The following ATOSA variants were observed in gnomAD, a reference collection of about 807,000 sequenced individuals.
The protein encoded by ATOSA is atos homolog A.
the ATOSA span, among the ~76,000 whole-genome samples, chr15:52,689,971 G>T: frequency 6.6e-6 from 1 of 152,200 alleles, no homozygotes; most frequent in Non-Finnish European, 1.5e-5. Flanking sequence ...TGATGGCAAT[G>T]ATGGTCCATT....
the ATOSA span, among the ~76,000 whole-genome samples, chr15:52,598,984 A>G: frequency 1.3e-5 from 2 of 152,160 alleles, no homozygotes; most frequent in African/African-American, 2.4e-5. Flanking sequence ...GCCTACCACT[A>G]TAAGTAAAAG....
the ATOSA span, among the ~76,000 whole-genome samples, chr15:52,597,781 T>A: frequency 6.6e-6 from 1 of 152,162 alleles, no homozygotes; most frequent in African/African-American, 2.4e-5. Context: ...GGAAGAAGAA[T>A]TGTCTTGGGG....
At chr15:52,656,526 C>A in the ATOSA span, 7 of 152,056 alleles carry the variant, frequency 4.6e-5, no homozygotes, top group African/African-American at 1.7e-4. Context: ...TTAATTGGGA[C>A]TCTCATATTT....
chr15:52,607,128 A>T, the ATOSA span, among the ~76,000 whole-genome samples: 1 of 152,202 alleles, frequency 6.6e-6, no homozygotes, highest in African/African-American at 2.4e-5. Flanking sequence ...AATTGAGGAA[A>T]CAGGTTTTTA....
chr15:52,594,515 T>C, the ATOSA span, among the ~76,000 whole-genome samples: 14,204 of 152,254 alleles, frequency 0.093, 1,020 homozygotes, highest in East Asian at 0.35. Flanking sequence ...TGAAAAGAAA[T>C]GCTACAAAGC....
chr15:52,605,058 A>G, the ATOSA span: 2 of 1,012,600 alleles, frequency 2.0e-6, no homozygotes. Context: ...TTCAATTAAA[A>G]TTTGAATGAA....
chr15:52,640,621 T>C, the ATOSA span, among the ~76,000 whole-genome samples: 1 of 89,992 alleles, frequency 1.1e-5, no homozygotes, highest in Non-Finnish European at 2.2e-5. Context: ...ATATCAGAGA[T>C]TTAAAATGTA....
the ATOSA span, among the ~76,000 whole-genome samples, chr15:52,603,624 A>G: frequency 1.3e-5 from 2 of 152,256 alleles, no homozygotes; most frequent in East Asian, 3.8e-4. Flanking sequence ...TGTAGTATAT[A>G]CACAATGGAA....
the ATOSA span, among the ~76,000 whole-genome samples, chr15:52,662,153 T>C: frequency 6.6e-6 from 1 of 152,142 alleles, no homozygotes; most frequent in Non-Finnish European, 1.5e-5. Context: ...CAAACCTCAC[T>C]CTTATGACCA....
the ATOSA span, chr15:52,613,989 G>T: frequency 1.6e-5 from 13 of 809,596 alleles, no homozygotes; most frequent in Non-Finnish European, 2.5e-5. Flanking sequence ...ATAAAAATGA[G>T]AATCAAAATA....
the ATOSA span, among the ~76,000 whole-genome samples, chr15:52,699,751 G>C: frequency 3.3e-5 from 5 of 152,214 alleles, no homozygotes; most frequent in East Asian, 9.7e-4. Context: ...CTCAGAATAT[G>C]ATATCAAGTG....
At chr15:52,700,040 T>A in the ATOSA span, among the ~76,000 whole-genome samples, 1 of 152,266 alleles carries the variant, frequency 6.6e-6, no homozygotes, top group Non-Finnish European at 1.5e-5. Flanking sequence ...ATGTATAAAT[T>A]TTTCGAATCT....
At chr15:52,679,333 C>T in the ATOSA span, 722 of 154,308 alleles carry the variant, frequency 4.7e-3, 3 homozygotes, top group Admixed American at 0.012. Flanking sequence ...CGCCCCGGCT[C>T]CCCGTCCCCC....
At chr15:52,609,703 A>C in the ATOSA span, 1 of 1,613,666 alleles carries the variant, frequency 6.2e-7, no homozygotes, top group African/African-American at 1.3e-5. Flanking sequence ...TTTTGAATGG[A>C]GTGAACTAGA....
chr15:52,694,266 A>T, the ATOSA span, among the ~76,000 whole-genome samples: 1 of 151,880 alleles, frequency 6.6e-6, no homozygotes, highest in African/African-American at 2.4e-5. Context: ...TCATGGGTTC[A>T]AATGATTCTC....
the ATOSA span, chr15:52,609,242 T>C: frequency 6.2e-7 from 1 of 1,613,124 alleles, no homozygotes; most frequent in Non-Finnish European, 8.5e-7. Flanking sequence ...GGTACTAAGT[T>C]TTTCCCATCA....
the ATOSA span, among the ~76,000 whole-genome samples, chr15:52,643,700 G>A: frequency 3.3e-5 from 5 of 151,908 alleles, no homozygotes; most frequent in South Asian, 2.1e-4. Context: ...CGGATCACAA[G>A]GTCAGGAATT....
the ATOSA span, among the ~76,000 whole-genome samples, chr15:52,691,083 C>T: frequency 6.6e-6 from 1 of 152,136 alleles, no homozygotes; most frequent in Non-Finnish European, 1.5e-5. Flanking sequence ...TTGAGGGAAC[C>T]CTGTTAAGTG....
At chr15:52,587,463 T>C in the ATOSA span, 3 of 319,876 alleles carry the variant, frequency 9.4e-6, no homozygotes, top group Non-Finnish European at 1.7e-5. Context: ...AAAATTACTA[T>C]TAAGATATAG....
Sources: allele counts gnomAD v4.1 joint callset (sites outside exome capture counted in the v4.1 genomes callset), GRCh38; gene constraint gnomAD v4.1.1; transcripts MANE v1.5; gene names NCBI Gene and HGNC (gene_info 2026-07-23, HGNC 2026-07-21).